TRAF3IP1: variants seen among roughly 807,000 people sequenced by gnomAD.
TRAF3IP1 encodes the protein intraflagellar transport 54.
In TRAF3IP1, 53 loss-of-function variants were observed where a neutral mutation model predicts 89.9. The observed-to-expected ratio is 0.59, with a 90% confidence interval of 0.47 to 0.74. The LOEUF (loss-of-function observed/expected upper bound fraction) is 0.74, where lower values mean the gene tolerates loss of function less well. TRAF3IP1 is among the 30% of genes least tolerant of loss of function. The pLI, the probability that TRAF3IP1 is intolerant of heterozygous loss-of-function variation, is 0.00. For synonymous variants in TRAF3IP1, 311 were observed against 322.1 expected (o/e 0.97, Z 0.37); for missense variants, 806 against 866.1 (o/e 0.93, Z 0.87).
intron 16 of TRAF3IP1, 50 bp downstream of exon 16, chr2:238,397,729 G>T: frequency 2.2e-6 from 1 of 453,794 alleles, no homozygotes; most frequent in Non-Finnish European, 3.8e-6. Flanking sequence ...CAGAGGTGGG[G>T]GGTAGTAATG....
rs1380292040 is a variant in TRAF3IP1, at chr2:238,397,366, CCCA to C, written c.1690-92_1690-90del. 3.5e-6 allele frequency: 4 copies of C among 1,155,730 alleles called. No homozygotes were observed. The African/African-American group carries it at 6.1e-5, about 18-fold the overall frequency. The allele number at this position is 1,155,730 out of a possible 1,614,324, so 71.6% of individuals were successfully genotyped here. A position where few individuals can be genotyped will look rare whatever the true frequency, so the allele number is the denominator to read the frequency against. ...CACTGTCTCTGCCTGCGCCTTTCCT[CCCA>C]GCCCCATGGCCGTGTGCTGAGTGCA... On this transcript the variant is annotated intron_variant, in intron 15 of 16. Coordinates refer to ENST00000373327, the MANE Select transcript of TRAF3IP1 (RefSeq NM_015650.4).
intron 15 of TRAF3IP1, among the ~76,000 whole-genome samples, chr2:238,363,006 G>T (rs1005805818): frequency 6.6e-6 from 1 of 152,196 alleles, no homozygotes; most frequent in African/African-American, 2.4e-5. Flanking sequence ...GCATAAAGAT[G>T]TTTGAAGTAG....
intron 15 of TRAF3IP1, among the ~76,000 whole-genome samples, chr2:238,364,405 C>CA (rs1559379524): frequency 2.9e-3 from 66 of 23,018 alleles, no homozygotes; most frequent in African/African-American, 0.028. Flanking sequence ...CTCCTGCCAG[C>CA]GTTTTTTTTT....
chr2:238,362,949 A>G (rs183975047), intron 15 of TRAF3IP1, among the ~76,000 whole-genome samples: 2 of 152,356 alleles, frequency 1.3e-5, no homozygotes, highest in East Asian at 1.9e-4. Context: ...CTCTTCCACA[A>G]TGTTTCTCTA....
chr2:238,367,224 A>G (rs965527157), intron 15 of TRAF3IP1, among the ~76,000 whole-genome samples: 2 of 151,626 alleles, frequency 1.3e-5, no homozygotes, highest in Admixed American at 1.3e-4. Flanking sequence ...ATTAAATAGA[A>G]TTTAGTCACA....
chr2:238,368,353 C>G (rs1165031833), intron 15 of TRAF3IP1, among the ~76,000 whole-genome samples: 1 of 152,142 alleles, frequency 6.6e-6, no homozygotes. Flanking sequence ...CTTCGATTTC[C>G]TATTTATAGC....
intron 12 of TRAF3IP1, among the ~76,000 whole-genome samples, chr2:238,350,306 C>T (rs182439453): frequency 6.6e-5 from 10 of 152,186 alleles, no homozygotes; most frequent in East Asian, 5.8e-4. Flanking sequence ...AAATTGATGA[C>T]GTAGGCGACG....
intron 15 of TRAF3IP1, among the ~76,000 whole-genome samples, chr2:238,357,565 A>G (rs1699474180): frequency 1.3e-5 from 2 of 152,232 alleles, no homozygotes; most frequent in Admixed American, 1.3e-4. Flanking sequence ...CCTTTTAACA[A>G]TAATAACTGG....
In TRAF3IP1 at chr2:238,352,155, G is replaced by A. The variant is rs113380386; in HGVS notation, c.1452-672G>A. Among the ~76,000 whole-genome samples the A allele has an allele frequency of 5.1e-3, 783 of 152,192 alleles. 9 individuals carry two copies. Among genetic ancestry groups the A allele is most frequent in the African/African-American group, 0.018 (754 of 41,516 alleles). On this transcript the variant is annotated intron_variant, in intron 12 of 16. Transcript: ENST00000373327. ...CAGTTCTAGTAGGTGGCCCTGGAGA[G>A]CATGAGAGAGCCCTTGGGTGAAGGC...
intron 15 of TRAF3IP1, among the ~76,000 whole-genome samples, chr2:238,389,724 G>C (rs923838582): frequency 2.0e-5 from 3 of 148,688 alleles, no homozygotes; most frequent in African/African-American, 5.0e-5. Flanking sequence ...CTCCAGCCTG[G>C]GTGACAGAGT....
intron 9 of TRAF3IP1, 105 bp downstream of exon 9, chr2:238,344,703 G>C (rs1202308545): frequency 1.1e-6 from 1 of 927,626 alleles, no homozygotes; most frequent in Non-Finnish European, 1.8e-6. Flanking sequence ...TTCCTCTTGG[G>C]TCTGAACGTG....
Position 238,396,545 on chromosome 2 carries a change from A to T in TRAF3IP1, c.1690-914A>T, listed in dbSNP as rs553873151. On this transcript the variant is annotated intron_variant, in intron 15 of 16. Coordinates refer to ENST00000373327, the MANE Select transcript of TRAF3IP1 (RefSeq NM_015650.4). Reference sequence around the variant, plus strand: ...AAAGTATAATAATAATAAAAAAATTAAAAAAAAAAAGGAAAGAAGGAGAAA... The same window carrying T: ...AAAGTATAATAATAATAAAAAAATTTAAAAAAAAAAGGAAAGAAGGAGAAA... Among the ~76,000 whole-genome samples, 1,170 of 142,702 alleles carry T rather than the reference A, an allele frequency of 8.2e-3. 13 individuals carry two copies. The highest frequency in any genetic ancestry group is 0.025 in the African/African-American group (999 of 39,426). 93.6% of individuals were successfully genotyped at this position (142,702 alleles called of 152,430 possible).
intron 12 of TRAF3IP1, 116 bp downstream of exon 12, chr2:238,349,524 G>T: frequency 9.4e-7 from 1 of 1,065,766 alleles, no homozygotes; most frequent in South Asian, 1.4e-5. Context: ...ACATGCTATT[G>T]AGGAACAAAA....
At chr2:238,356,954 A>G (rs987864995) in intron 15 of TRAF3IP1, among the ~76,000 whole-genome samples, 2 of 151,732 alleles carry the variant, frequency 1.3e-5, no homozygotes, top group African/African-American at 4.8e-5. Flanking sequence ...AATATTTTGT[A>G]TTTTTAGTAG....
intron 14 of TRAF3IP1, among the ~76,000 whole-genome samples, chr2:238,354,073 C>T (rs1036119266): frequency 2.0e-5 from 3 of 152,226 alleles, no homozygotes; most frequent in African/African-American, 7.2e-5. Context: ...TGTGCCCAGC[C>T]TAGTCACGGA....
At chr2:238,324,110 C>T (rs966293890) in intron 1 of TRAF3IP1, among the ~76,000 whole-genome samples, 5 of 152,152 alleles carry the variant, frequency 3.3e-5, no homozygotes, top group African/African-American at 9.7e-5. Context: ...CTGCGTTGCC[C>T]AGGCTGGAGT....
intron 9 of TRAF3IP1, 38 bp downstream of exon 9, chr2:238,344,636 C>T (rs1698809293): frequency 6.4e-7 from 1 of 1,560,092 alleles, no homozygotes. Context: ...CTGGCGAGAG[C>T]AGAGTGAGCC....
At position 238,365,274 on chromosome 2, in the gene TRAF3IP1, G is replaced by C. The variant is rs528642501; in HGVS notation, c.1689+9194G>C. The stretch of plus-strand genomic sequence containing the variant: ...CTCCTTACCTGAAAATTCTACACCT[G>C]ACAACAGTATTTTTAGTTTGGGTAT... On this transcript the variant is annotated intron_variant, in intron 15 of 16. Transcript: ENST00000373327. 2.0e-5 allele frequency among the ~76,000 whole-genome samples: 3 copies of C among 152,218 alleles called. No individual in the cohort carries two copies. The South Asian group carries it at 6.2e-4, about 32-fold the overall frequency.
intron 15 of TRAF3IP1, among the ~76,000 whole-genome samples, chr2:238,357,746 C>T (rs945584242): frequency 6.6e-6 from 1 of 152,124 alleles, no homozygotes; most frequent in Non-Finnish European, 1.5e-5. Flanking sequence ...GAGACCCAGT[C>T]GAAAACCCTG....
Sources: gnomAD v4.1 joint callset for allele counts (sites outside exome capture counted in the v4.1 genomes callset) on GRCh38, gnomAD v4.1.1 for gene constraint, MANE v1.5 for transcripts, NCBI Gene and HGNC (gene_info 2026-07-23, HGNC 2026-07-21) for gene names.